Variants in OR51B5 observed in about 807,000 individuals in gnomAD.
OR51B5 encodes olfactory receptor 51B5.
For missense variants in OR51B5, 456 were observed against 374.6 expected, an observed-to-expected ratio of 1.22 and a Z score of -1.79; for synonymous variants, 186 against 144.8, an observed-to-expected ratio of 1.28 and a Z score of -2.04.
intron 1 of OR51B5, chr11:5,389,366 A>C (rs542309526): frequency 1.3e-6 from 2 of 1,595,038 alleles, no homozygotes; most frequent in African/African-American, 2.7e-5. Flanking sequence ...ATAACCAGAA[A>C]TATCCATTTA....
At chr11:5,474,650 G>A (rs905869075) in intron 1 of OR51B5, among the ~76,000 whole-genome samples, 1 of 152,106 alleles carries the variant, frequency 6.6e-6, no homozygotes, top group Non-Finnish European at 1.5e-5. Flanking sequence ...TATTCAAGTT[G>A]ACAAGATAAT....
chr11:5,495,961 T>G (rs571439806), intron 1 of OR51B5, among the ~76,000 whole-genome samples: 1 of 152,268 alleles, frequency 6.6e-6, no homozygotes, highest in Non-Finnish European at 1.5e-5. Context: ...TTTAACTTCA[T>G]ATGTTCCTGA....
At chr11:5,388,513 G>C (rs1026644719) in intron 1 of OR51B5, among the ~76,000 whole-genome samples, 8 of 148,876 alleles carry the variant, frequency 5.4e-5, no homozygotes, top group Non-Finnish European at 1.2e-4. Context: ...TTTTATTCCA[G>C]GAAGAATGAA....
rs57251687 is a variant in OR51B5, at chr11:5,363,359, G to GT, written n.85-16450dup. On this transcript the variant is annotated intron_variant and non_coding_transcript_variant, in intron 1 of 4. Transcript: ENST00000415970. ...GGAATTACAGTTTTTTTTGGTTTTT[G>GT]TTTTTTTTTACTTCAAGCTATGGTG... 4.2e-4 allele frequency among the ~76,000 whole-genome samples: 49 copies of GT among 115,772 alleles called. 2 individuals carry two copies. In the Middle Eastern group the frequency reaches 0.012, roughly 29 times the overall value. The allele number at this position is 115,772 out of a possible 152,430, so 76.0% of individuals were successfully genotyped here.
chr11:5,413,120 C>A (rs529374640), intron 1 of OR51B5, among the ~76,000 whole-genome samples: 1 of 152,182 alleles, frequency 6.6e-6, no homozygotes, highest in East Asian at 1.9e-4. Context: ...GCAGCATTCG[C>A]GGTTCACGAA....
At chr11:5,372,075 A>T (rs561886881) in intron 1 of OR51B5, among the ~76,000 whole-genome samples, 2 of 152,066 alleles carry the variant, frequency 1.3e-5, no homozygotes, top group Non-Finnish European at 2.9e-5. Flanking sequence ...TCCTTTTTTA[A>T]GGCTGAATAA....
intron 1 of OR51B5, among the ~76,000 whole-genome samples, chr11:5,398,026 G>A (rs1159693534): frequency 2.6e-5 from 4 of 152,024 alleles, no homozygotes; most frequent in African/African-American, 9.7e-5. Flanking sequence ...ACAGGAAGGG[G>A]AACATCACAC....
At chr11:5,457,602 C>T (rs1850978907) in intron 1 of OR51B5, among the ~76,000 whole-genome samples, 1 of 152,130 alleles carries the variant, frequency 6.6e-6, no homozygotes, top group African/African-American at 2.4e-5. Context: ...ATAAGTGTTC[C>T]ATTTTCTCTG....
intron 1 of OR51B5, among the ~76,000 whole-genome samples, chr11:5,371,058 G>A (rs1849441219): frequency 6.6e-6 from 1 of 152,174 alleles, no homozygotes; most frequent in Non-Finnish European, 1.5e-5. Context: ...GATAATTTGA[G>A]TGATAAAAAT....
At chr11:5,428,910 A>C (rs115023911) in intron 1 of OR51B5, among the ~76,000 whole-genome samples, 533 of 152,318 alleles carry the variant, frequency 3.5e-3, no homozygotes, top group African/African-American at 0.012. Context: ...ATGTAGGTAT[A>C]GTTTTTACTG....
chr11:5,344,088 TGAGA>T (rs1360144168), upstream of OR51B5, among the ~76,000 whole-genome samples: 1 of 152,188 alleles, frequency 6.6e-6, no homozygotes, highest in Non-Finnish European at 1.5e-5. Flanking sequence ...GCAGTCAGAT[TGAGA>T]AAGAGACACT....
chr11:5,477,845 T>C (rs1016248472), intron 1 of OR51B5, among the ~76,000 whole-genome samples: 23 of 152,326 alleles, frequency 1.5e-4, no homozygotes, highest in Non-Finnish European at 2.5e-4. Flanking sequence ...ATCCCGCACC[T>C]GGCTCGGAGG....
intron 1 of OR51B5, among the ~76,000 whole-genome samples, chr11:5,492,672 T>C (rs2133816135): frequency 6.6e-6 from 1 of 152,304 alleles, no homozygotes; most frequent in South Asian, 2.1e-4. Context: ...CCTACATCTT[T>C]GTTAATCAGG....
chr11:5,435,078 CA>C (rs1427027094), intron 1 of OR51B5, among the ~76,000 whole-genome samples: 2 of 152,152 alleles, frequency 1.3e-5, no homozygotes, highest in East Asian at 3.9e-4. Context: ...AGCCCCATCT[CA>C]AAAGGCTATA....
At chr11:5,383,400 T>C (rs1305165851) in intron 1 of OR51B5, among the ~76,000 whole-genome samples, 1 of 152,090 alleles carries the variant, frequency 6.6e-6, no homozygotes, top group Non-Finnish European at 1.5e-5. Context: ...AATCTTGAAG[T>C]AGTGGTGATT....
chr11:5,448,878 T>C (rs1167663687), intron 1 of OR51B5, among the ~76,000 whole-genome samples: 1 of 152,252 alleles, frequency 6.6e-6, no homozygotes, highest in Admixed American at 6.5e-5. Context: ...CCAGAAGATA[T>C]TTTATTATCT....
intron 1 of OR51B5, among the ~76,000 whole-genome samples, chr11:5,436,675 A>G (rs2133772523): frequency 6.6e-6 from 1 of 152,308 alleles, no homozygotes; most frequent in African/African-American, 2.4e-5. Context: ...AGGATTTTTA[A>G]ATTGTGCACA....
In OR51B5 at chr11:5,361,823, C is replaced by G. The variant is rs552924791; in HGVS notation, n.85-14913G>C. 3.3e-5 allele frequency among the ~76,000 whole-genome samples: 5 copies of G among 152,226 alleles called. No homozygotes were observed. In the East Asian group the frequency reaches 9.7e-4, roughly 29 times the overall value. ...GATATCTCTGGTGTAGTTCCAGACT[C>G]TGGTTTGGATTATCTATTTCCTTTG... On this transcript the variant is annotated intron_variant and non_coding_transcript_variant, in intron 1 of 4. Transcript: ENST00000415970.
intron 1 of OR51B5, among the ~76,000 whole-genome samples, chr11:5,497,681 T>C (rs397076): frequency 0.15 from 22,767 of 152,168 alleles, 1,828 homozygotes; most frequent in East Asian, 0.21. Context: ...TTTTCTCTTG[T>C]CAGTCAAAGA....
Sources: allele counts gnomAD v4.1 joint callset (sites outside exome capture counted in the v4.1 genomes callset), GRCh38; gene constraint gnomAD v4.1.1; transcripts MANE v1.5; gene names NCBI Gene and HGNC (gene_info 2026-07-23, HGNC 2026-07-21).